Variants in CSMD1 observed in about 807,000 individuals in gnomAD.
CSMD1 encodes CUB and Sushi multiple domains 1, also known as CUB and sushi domain-containing protein 1.
CSMD1 carries 213 observed loss-of-function variants against 417.5 expected under a neutral mutation model. The observed-to-expected ratio is 0.51, with a 90% CI of 0.46 to 0.57. The LOEUF is 0.57. Ranked by LOEUF, CSMD1 falls within the 20% of genes least tolerant of loss-of-function variation. CSMD1 has a pLI of 0.00. For missense variants in CSMD1, 6,923 were observed against 4,529.7 expected (o/e 1.53, Z -15.17); for synonymous variants, 2,862 against 1,736.8 (o/e 1.65, Z -16.11).
intron 7 of CSMD1, among the ~76,000 whole-genome samples, chr8:3,649,670 C>T (rs1349091701): frequency 1.3e-5 from 2 of 152,182 alleles, no homozygotes; most frequent in Non-Finnish European, 2.9e-5. Flanking sequence ...CCATTACCTC[C>T]ACCTGGTCTC....
chr8:3,495,045 C>A (rs969245206), intron 10 of CSMD1, among the ~76,000 whole-genome samples: 2 of 152,036 alleles, frequency 1.3e-5, no homozygotes, highest in East Asian at 1.9e-4. Flanking sequence ...ATTAATATAG[C>A]CATTATAATT....
rs201262312 is a variant in CSMD1 at position 3,772,526 on chromosome 8, C to T, written c.819-18484G>A. Among the ~76,000 whole-genome samples, 209 of 32,074 alleles carry T rather than the reference C, an allele frequency of 6.5e-3. 4 individuals are homozygous for T. The highest frequency in any genetic ancestry group is 9.7e-3 in the South Asian group (10 of 1,036). 21.0% of individuals were successfully genotyped at this position (32,074 alleles called of 152,430 possible). A position where few individuals can be genotyped will look rare whatever the true frequency, so the allele number is the denominator to read the frequency against. ...ATATACACATATATACATATATACA[C>T]ATATATACATATATACACATATATA... On this transcript the variant is annotated intron_variant, in intron 5 of 69. Coordinates refer to ENST00000635120, the MANE Select transcript of CSMD1 (RefSeq NM_033225.6).
At chr8:3,306,844 CAGAGCTTACTTTAAAAAT>C (rs1563252526) in intron 25 of CSMD1, among the ~76,000 whole-genome samples, 2 of 28,624 alleles carry the variant, frequency 7.0e-5, no homozygotes, top group Non-Finnish European at 8.0e-5. Flanking sequence ...AAAAATATTA[CAGAGCTTACTTTAAAAAT>C]ATTACTTTTT....
intron 3 of CSMD1, among the ~76,000 whole-genome samples, chr8:4,230,225 ATGTT>A (rs746412017): frequency 1.3e-5 from 2 of 152,150 alleles, no homozygotes; most frequent in African/African-American, 4.8e-5. Flanking sequence ...ATCTTAATAA[ATGTT>A]TGTGTTGCTC....
intron 1 of CSMD1, among the ~76,000 whole-genome samples, chr8:4,702,700 C>T (rs544709554): frequency 6.6e-6 from 1 of 152,182 alleles, no homozygotes; most frequent in East Asian, 1.9e-4. Context: ...ATTTCTATTG[C>T]TAAGTACAAA....
chr8:4,817,758 G>C (rs1319774255), intron 1 of CSMD1, among the ~76,000 whole-genome samples: 2 of 152,190 alleles, frequency 1.3e-5, no homozygotes, highest in Non-Finnish European at 2.9e-5. Flanking sequence ...CTATCACGCT[G>C]AGTAGGTACT....
chr8:4,823,964 AC>A (rs1271009347), intron 1 of CSMD1, among the ~76,000 whole-genome samples: 5 of 151,986 alleles, frequency 3.3e-5, no homozygotes, highest in Non-Finnish European at 7.4e-5. Flanking sequence ...CTAAGTGCAC[AC>A]ATACACACCC....
At chr8:3,667,459 C>G (rs1449026565) in intron 7 of CSMD1, among the ~76,000 whole-genome samples, 1 of 151,754 alleles carries the variant, frequency 6.6e-6, no homozygotes, top group Non-Finnish European at 1.5e-5. Flanking sequence ...GGCCTTGGGG[C>G]ACTACAGCCC....
rs1811890604 is a variant in CSMD1, at chr8:3,052,545, T to C, written c.7577A>G (p.Lys2526Arg). 1.2e-6 allele frequency: 2 copies of C among 1,608,692 alleles called. No homozygotes were observed. Among genetic ancestry groups the C allele is most frequent in the Middle Eastern group, 1.7e-4 (1 of 6,056 alleles). ...KVVYECHEGFKLESSQQATAV... is the reference protein window; with the variant it reads ...KVVYECHEGFRLESSQQATAV... ...TGTTGCTTGCTGGCTGGATTCAAGCTTGAAGCCCTCATGACATTCATAGAC... is the reference window on the plus strand; with the variant it reads ...TGTTGCTTGCTGGCTGGATTCAAGCCTGAAGCCCTCATGACATTCATAGAC... The change falls in exon 50 of 70, where the codon AAG becomes AGG. Residue 2526 changes from lysine (K) to arginine (R), a missense_variant. By Grantham distance (26) the Lys-to-Arg change is conservative (BLOSUM62 2). Coordinates refer to ENST00000635120, the MANE Select transcript of CSMD1 (RefSeq NM_033225.6).
At chr8:4,736,976 C>T (rs1024637772) in intron 1 of CSMD1, among the ~76,000 whole-genome samples, 1 of 152,130 alleles carries the variant, frequency 6.6e-6, no homozygotes, top group South Asian at 2.1e-4. Context: ...TCTCTCATGG[C>T]TGCTTCTTTA....
chr8:3,611,706 G>T (rs770587666), intron 8 of CSMD1, among the ~76,000 whole-genome samples: 1 of 151,982 alleles, frequency 6.6e-6, no homozygotes, highest in African/African-American at 2.4e-5. Flanking sequence ...GAAATACATG[G>T]TAATATCAAC....
At chr8:3,134,888 T>C (rs1018930307) in intron 41 of CSMD1, among the ~76,000 whole-genome samples, 1 of 152,180 alleles carries the variant, frequency 6.6e-6, no homozygotes, top group Non-Finnish European at 1.5e-5. Flanking sequence ...GCATAGAGTG[T>C]GGCGCAGAGT....
intron 3 of CSMD1, among the ~76,000 whole-genome samples, chr8:4,416,141 A>G (rs958023501): frequency 2.6e-5 from 4 of 152,192 alleles, no homozygotes; most frequent in Non-Finnish European, 4.4e-5. Flanking sequence ...TATGGAGAAA[A>G]GTTCTATACA....
At chr8:3,295,022 A>G (rs1048344999) in intron 25 of CSMD1, among the ~76,000 whole-genome samples, 1 of 152,152 alleles carries the variant, frequency 6.6e-6, no homozygotes, top group African/African-American at 2.4e-5. Flanking sequence ...TGTATTCCTA[A>G]ACAATATATT....
intron 5 of CSMD1, among the ~76,000 whole-genome samples, chr8:3,842,723 G>A (rs573761737): frequency 6.6e-6 from 1 of 151,914 alleles, no homozygotes; most frequent in Non-Finnish European, 1.5e-5. Flanking sequence ...CAAAAAATGT[G>A]TCAAGATTAA....
At chr8:3,256,077 C>G (rs1281733270) in intron 26 of CSMD1, among the ~76,000 whole-genome samples, 1 of 152,022 alleles carries the variant, frequency 6.6e-6, no homozygotes, top group African/African-American at 2.4e-5. Context: ...CCTGTAATCC[C>G]AGGACTTTGG....
intron 5 of CSMD1, among the ~76,000 whole-genome samples, chr8:3,806,226 A>T (rs1187308592): frequency 6.6e-6 from 1 of 152,128 alleles, no homozygotes; most frequent in East Asian, 1.9e-4. Flanking sequence ...TTCCTCTCAG[A>T]TTATGGAGTA....
At chr8:4,370,788 G>A (rs1043600093) in intron 3 of CSMD1, among the ~76,000 whole-genome samples, 1 of 152,140 alleles carries the variant, frequency 6.6e-6, no homozygotes, top group Non-Finnish European at 1.5e-5. Flanking sequence ...ATCCAGTTTG[G>A]TTCTTTCTTA....
At chr8:4,161,916 A>G (rs193014388) in intron 3 of CSMD1, among the ~76,000 whole-genome samples, 43 of 152,292 alleles carry the variant, frequency 2.8e-4, no homozygotes, top group African/African-American at 9.6e-4. Context: ...ATCAGTTCAT[A>G]TCCCTTTCGT....
Sources: gnomAD v4.1 joint callset for allele counts (sites outside exome capture counted in the v4.1 genomes callset) on GRCh38, gnomAD v4.1.1 for gene constraint, MANE v1.5 for transcripts, NCBI Gene and HGNC (gene_info 2026-07-23, HGNC 2026-07-21) for gene names.